Variants in HTR4 observed in about 807,000 individuals in gnomAD.
HTR4 encodes the protein 5-hydroxytryptamine (serotonin) receptor 4, G protein-coupled.
A neutral mutation model predicts 36.8 loss-of-function variants in HTR4; 16 were observed. The ratio of observed to expected loss-of-function variants is 0.43; its 90% confidence interval spans 0.29 to 0.66. The LOEUF is 0.66. Among genes scored for constraint, HTR4 ranks in the 30% least tolerant of loss-of-function variants. The pLI is 0.13. For synonymous variants in HTR4, 189 were observed against 185.1 expected (o/e 1.02, Z -0.17); for missense variants, 438 against 490.9 (o/e 0.89, Z 1.02).
intron 2 of HTR4, among the ~76,000 whole-genome samples, chr5:148,597,959 T>C (rs1476327255): frequency 6.6e-6 from 1 of 152,320 alleles, no homozygotes; most frequent in South Asian, 2.1e-4. Flanking sequence ...GTTAAAGTTT[T>C]GATGAAGATG....
At chr5:148,594,681 T>A (rs1451867612) in intron 2 of HTR4, among the ~76,000 whole-genome samples, 1 of 152,128 alleles carries the variant, frequency 6.6e-6, no homozygotes, top group African/African-American at 2.4e-5. Context: ...TAAAAATCAC[T>A]GATCTACCGC....
At chr5:148,497,217 T>A (rs1275628443) in intron 6 of HTR4, among the ~76,000 whole-genome samples, 1 of 152,208 alleles carries the variant, frequency 6.6e-6, no homozygotes, top group Non-Finnish European at 1.5e-5. Flanking sequence ...AGACAGGGTC[T>A]GGCTCTGTCA....
chr5:148,531,658 C>G (rs1380297242), intron 4 of HTR4, among the ~76,000 whole-genome samples: 5 of 152,198 alleles, frequency 3.3e-5, no homozygotes, highest in African/African-American at 1.2e-4. Flanking sequence ...TACTGCAGTA[C>G]ATTCTAAACT....
chr5:148,504,801 A>G (rs1386348248), intron 6 of HTR4, among the ~76,000 whole-genome samples: 6 of 152,246 alleles, frequency 3.9e-5, no homozygotes, highest in Non-Finnish European at 4.4e-5. Context: ...ATAAAAAATG[A>G]TTAAGGGGAT....
intron 4 of HTR4, among the ~76,000 whole-genome samples, chr5:148,523,576 G>A (rs988126264): frequency 2.0e-5 from 3 of 152,010 alleles, no homozygotes; most frequent in African/African-American, 7.2e-5. Context: ...AAGGGAAAAA[G>A]AAGGAAGAGA....
chr5:148,463,176 T>C (rs1442608243), intron 5 of HTR4, among the ~76,000 whole-genome samples: 2 of 128,182 alleles, frequency 1.6e-5, no homozygotes, highest in Non-Finnish European at 3.4e-5. Context: ...TTTTTTTTTT[T>C]TTTTTTTTTT....
At chr5:148,523,806 C>T (rs1282603227) in intron 4 of HTR4, among the ~76,000 whole-genome samples, 1 of 152,130 alleles carries the variant, frequency 6.6e-6, no homozygotes, top group Non-Finnish European at 1.5e-5. Context: ...AACACTATCC[C>T]GATGCCTGTG....
intron 4 of HTR4, among the ~76,000 whole-genome samples, chr5:148,528,737 A>G (rs1485427934): frequency 2.6e-5 from 4 of 152,114 alleles, no homozygotes; most frequent in Non-Finnish European, 5.9e-5. Context: ...CAAAAAGGAA[A>G]CTGACCTATC....
intron 2 of HTR4, among the ~76,000 whole-genome samples, chr5:148,571,976 T>G (rs564772987): frequency 6.6e-6 from 1 of 152,250 alleles, no homozygotes; most frequent in African/African-American, 2.4e-5. Flanking sequence ...TTCATTTGAG[T>G]GTGTGTTTTG....
At chr5:148,589,330 T>C (rs1012790944) in intron 2 of HTR4, among the ~76,000 whole-genome samples, 4 of 152,226 alleles carry the variant, frequency 2.6e-5, no homozygotes, top group Non-Finnish European at 5.9e-5. Flanking sequence ...CATTGAACTC[T>C]CCCTTGAATA....
intron 2 of HTR4, among the ~76,000 whole-genome samples, chr5:148,568,107 A>C (rs1760523668): frequency 1.3e-5 from 2 of 152,156 alleles, no homozygotes; most frequent in Admixed American, 1.3e-4. Flanking sequence ...TCTACTGCAA[A>C]TGAAATACTC....
chr5:148,462,809 A>C (rs1755310776), intron 5 of HTR4, among the ~76,000 whole-genome samples: 1 of 152,212 alleles, frequency 6.6e-6, no homozygotes. Flanking sequence ...AGAATTGCCC[A>C]CCCAACTAAG....
chr5:148,614,009 C>G (rs948748780), intron 2 of HTR4, among the ~76,000 whole-genome samples: 23 of 150,956 alleles, frequency 1.5e-4, no homozygotes, highest in African/African-American at 4.8e-4. Context: ...GAACTACAAA[C>G]CGCTGCTCAA....
downstream of HTR4, among the ~76,000 whole-genome samples, chr5:148,479,598 A>T (rs1450704602): frequency 1.3e-5 from 2 of 152,216 alleles, no homozygotes; most frequent in African/African-American, 4.8e-5. Context: ...ACTGCATCAA[A>T]AAGTAGATGA....
At chr5:148,599,486 A>T (rs1299377398) in intron 2 of HTR4, among the ~76,000 whole-genome samples, 1 of 152,190 alleles carries the variant, frequency 6.6e-6, no homozygotes, top group Non-Finnish European at 1.5e-5. Context: ...AACAATTCAC[A>T]ATACTGAAAG....
chr5:148,487,024 G>A (rs1756193360), intron 6 of HTR4, among the ~76,000 whole-genome samples: 2 of 152,160 alleles, frequency 1.3e-5, no homozygotes, highest in African/African-American at 2.4e-5. Context: ...ATATTTTAAC[G>A]GATGAGTTTT....
chr5:148,468,618 G>C (rs1017727380), intron 5 of HTR4, among the ~76,000 whole-genome samples: 2 of 152,094 alleles, frequency 1.3e-5, no homozygotes, highest in African/African-American at 4.8e-5. Flanking sequence ...TACTTCCATC[G>C]TTGGAAGCAG....
Position 148,509,808 on chromosome 5 carries a change from A to C in HTR4, c.724T>G (p.Ser242Ala). 2.5e-6 allele frequency: 4 copies of C among 1,613,680 alleles called. No individual in the cohort carries two copies. The highest frequency in any genetic ancestry group is 3.4e-6 in the Non-Finnish European group (4 of 1,179,866). The change falls in exon 6 of 7, where the codon TCG becomes GCG. Residue 242 changes from serine (S) to alanine (A), a missense_variant. Physicochemically the swap from Ser to Ala is moderately conservative, Grantham distance 99. Coordinates refer to ENST00000377888, the MANE Select transcript of HTR4 (RefSeq NM_000870.7). Reference protein sequence around the residue: ...AGASSESRPQSADQHSTHRMR... With the variant: ...AGASSESRPQAADQHSTHRMR... ...CGATGAGTGCTATGCTGGTCTGCCG[A>C]CTGAGGCCTGCTCTCGGAGGAGGCT...
intron 2 of HTR4, chr5:148,630,398 G>A (rs965438389): frequency 9.9e-5 from 15 of 152,094 alleles, no homozygotes; most frequent in African/African-American, 3.6e-4. Flanking sequence ...CTGTGTCCAA[G>A]TCCATGGAAG....
Sources: allele counts gnomAD v4.1 joint callset (sites outside exome capture counted in the v4.1 genomes callset), GRCh38; gene constraint gnomAD v4.1.1; transcripts MANE v1.5; gene names NCBI Gene and HGNC (gene_info 2026-07-23, HGNC 2026-07-21).